KCNT2: variants seen among roughly 807,000 people sequenced by gnomAD.
KCNT2 encodes the protein potassium channel subfamily T member 2.
KCNT2 carries 67 observed loss-of-function variants against 153.8 expected under a neutral mutation model. The observed-to-expected ratio is 0.44, with a 90% CI of 0.36 to 0.53. KCNT2 has a LOEUF of 0.53. Ranked by LOEUF, KCNT2 falls within the 20% of genes least tolerant of loss-of-function variation. KCNT2 has a pLI of 0.00. For synonymous variants in KCNT2, 500 were observed against 458.8 expected (o/e 1.09, Z -1.15); for missense variants, 975 against 1,354.8 (o/e 0.72, Z 4.40).
intron 8 of KCNT2, among the ~76,000 whole-genome samples, chr1:196,434,798 T>C (rs1436329257): frequency 6.6e-6 from 1 of 151,808 alleles, no homozygotes; most frequent in African/African-American, 2.4e-5. Flanking sequence ...TTAAGAGACA[T>C]TGCAGCTCTT....
intron 18 of KCNT2, among the ~76,000 whole-genome samples, chr1:196,329,209 A>G (rs553154491): frequency 6.6e-6 from 1 of 152,152 alleles, no homozygotes; most frequent in South Asian, 2.1e-4. Context: ...GACACAGTAG[A>G]GTCAGCTGCA....
intron 23 of KCNT2, 149 bp downstream of exon 23, chr1:196,285,508 T>C: frequency 1.9e-6 from 1 of 536,906 alleles, no homozygotes; most frequent in Non-Finnish European, 3.3e-6. Context: ...ATTTATGTCA[T>C]TAAGTACATG....
At chr1:196,590,172 A>T (rs1452120528) in intron 1 of KCNT2, among the ~76,000 whole-genome samples, 2 of 152,184 alleles carry the variant, frequency 1.3e-5, no homozygotes, top group African/African-American at 4.8e-5. Context: ...GTTAAAGCAG[A>T]CATTGAAAGG....
intron 1 of KCNT2, among the ~76,000 whole-genome samples, chr1:196,568,768 G>A (rs1053270097): frequency 1.0e-5 from 1 of 96,652 alleles, no homozygotes; most frequent in Admixed American, 1.2e-4. Flanking sequence ...CCTGGTTTAT[G>A]TTAATAATGA....
chr1:196,309,317 C>T (rs1469732451), intron 21 of KCNT2, among the ~76,000 whole-genome samples: 4 of 151,740 alleles, frequency 2.6e-5, no homozygotes, highest in Non-Finnish European at 5.9e-5. Context: ...TTGTGGTTAC[C>T]TGGATTCTTT....
At chr1:196,278,948 G>C (rs957652957) in intron 25 of KCNT2, among the ~76,000 whole-genome samples, 12 of 152,196 alleles carry the variant, frequency 7.9e-5, no homozygotes, top group African/African-American at 2.9e-4. Context: ...AGAGGACTCA[G>C]AGAGATCCCC....
At chr1:196,392,895 T>C (rs1558235694) in intron 13 of KCNT2, among the ~76,000 whole-genome samples, 1 of 151,494 alleles carries the variant, frequency 6.6e-6, no homozygotes. Flanking sequence ...TTTAACTTCT[T>C]ATTGTAATTA....
At chr1:196,381,460 A>C (rs564492692) in intron 13 of KCNT2, among the ~76,000 whole-genome samples, 2 of 151,350 alleles carry the variant, frequency 1.3e-5, no homozygotes, top group African/African-American at 4.9e-5. Flanking sequence ...TTTCATGCTA[A>C]GTTATATATA....
intron 13 of KCNT2, among the ~76,000 whole-genome samples, chr1:196,380,269 T>C (rs1669365044): frequency 6.6e-6 from 1 of 152,154 alleles, no homozygotes; most frequent in African/African-American, 2.4e-5. Context: ...ATTATTGATT[T>C]CTTCTTTGTT....
At chr1:196,273,402 C>A (rs1658254456) in intron 25 of KCNT2, 7 of 1,037,622 alleles carry the variant, frequency 6.7e-6, no homozygotes, top group African/African-American at 1.6e-5. Flanking sequence ...TATTATTTTT[C>A]TTTAATAGCT....
chr1:196,326,199 C>T (rs1663832407), intron 19 of KCNT2, among the ~76,000 whole-genome samples: 1 of 151,966 alleles, frequency 6.6e-6, no homozygotes, highest in South Asian at 2.1e-4. Context: ...CAATATTTTC[C>T]AAATAAATGC....
At chr1:196,364,220 G>T (rs369225756) in intron 14 of KCNT2, among the ~76,000 whole-genome samples, 2 of 152,128 alleles carry the variant, frequency 1.3e-5, no homozygotes, top group East Asian at 1.9e-4. Context: ...TATGGAAAGC[G>T]TATGTGTGAA....
chr1:196,473,937 T>C (rs1678307116), intron 5 of KCNT2, among the ~76,000 whole-genome samples: 1 of 152,140 alleles, frequency 6.6e-6, no homozygotes, highest in Admixed American at 6.5e-5. Context: ...TTAATCTTAT[T>C]TTCATGAAGG....
At chr1:196,584,168 G>GATAAAATAAAATAAAATACA (rs1662385478) in intron 1 of KCNT2, among the ~76,000 whole-genome samples, 1 of 140,988 alleles carries the variant, frequency 7.1e-6, no homozygotes, top group Non-Finnish European at 1.5e-5. Flanking sequence ...CTGGAATTAA[G>GATAAAATAAAATAAAATACA]ATAAAATAAA....
rs535646073 is a variant in KCNT2 at position 196,297,358 on chromosome 1, A to G, written c.2595+7876T>C. 6.6e-5 allele frequency among the ~76,000 whole-genome samples: 10 copies of G among 152,238 alleles called. No individual in the cohort carries two copies. The South Asian group carries it at 1.0e-3, about 16-fold the overall frequency. On this transcript the variant is annotated intron_variant, in intron 22 of 27. Transcript: ENST00000294725. ...ATTTTAATGGTTTTAACAATTTGCT[A>G]TACATTTTCCTCTTCACAATAGACA...
At chr1:196,283,886 A>G (rs1428670922) in intron 23 of KCNT2, among the ~76,000 whole-genome samples, 1 of 152,044 alleles carries the variant, frequency 6.6e-6, no homozygotes, top group African/African-American at 2.4e-5. Context: ...ATCTACACAC[A>G]CACAAATGCA....
chr1:196,482,869 C>T (rs940864810), intron 3 of KCNT2, among the ~76,000 whole-genome samples: 1 of 152,044 alleles, frequency 6.6e-6, no homozygotes, highest in Non-Finnish European at 1.5e-5. Context: ...AACAGTATGA[C>T]TGGGGTTAAC....
At chr1:196,250,892 CAGAG>C (rs1315288661) in intron 26 of KCNT2, among the ~76,000 whole-genome samples, 1 of 152,044 alleles carries the variant, frequency 6.6e-6, no homozygotes, top group Non-Finnish European at 1.5e-5. Context: ...CACTGATCAT[CAGAG>C]AAAGACAAAT....
At position 196,480,349 on chromosome 1, in the gene KCNT2, C is replaced by T. The variant is rs916913733; in HGVS notation, c.325-1111G>A. On this transcript the variant is annotated intron_variant, in intron 4 of 27. Coordinates refer to ENST00000294725, the MANE Select transcript of KCNT2 (RefSeq NM_198503.5). Reference sequence around the variant, plus strand: ...TTAAAAGAATATTAAAACAGGAGAACAATAAGAAAACAGATAAAATGCATA... The same window carrying T: ...TTAAAAGAATATTAAAACAGGAGAATAATAAGAAAACAGATAAAATGCATA... Among the ~76,000 whole-genome samples, 3 of 152,076 alleles carry T rather than the reference C, an allele frequency of 2.0e-5. No individual in the cohort carries two copies. In the East Asian group the frequency reaches 5.8e-4, roughly 29 times the overall value.
Sources: gnomAD v4.1 joint callset for allele counts (sites outside exome capture counted in the v4.1 genomes callset) on GRCh38, gnomAD v4.1.1 for gene constraint, MANE v1.5 for transcripts, NCBI Gene and HGNC (gene_info 2026-07-23, HGNC 2026-07-21) for gene names.